CADPS: variants seen among roughly 807,000 people sequenced by gnomAD.
The protein encoded by CADPS is calcium dependent secretion activator.
A neutral mutation model predicts 167.3 loss-of-function variants in CADPS; 57 were observed. The ratio of observed to expected loss-of-function variants is 0.34; its 90% CI spans 0.28 to 0.42. The LOEUF is 0.42. Among genes scored for constraint, CADPS ranks in the 20% least tolerant of loss-of-function variants. The pLI is 1.00. For missense variants in CADPS, 1,414 were observed against 1,738.1 expected, an observed-to-expected ratio of 0.81 and a Z score of 3.32; for synonymous variants, 676 against 635.3, an observed-to-expected ratio of 1.06 and a Z score of -0.96.
chr3:62,645,421 C>G (rs2150063536), intron 6 of CADPS, among the ~76,000 whole-genome samples: 1 of 152,272 alleles, frequency 6.6e-6, no homozygotes, highest in Admixed American at 6.5e-5. Flanking sequence ...TTATATCAAA[C>G]TTTCCTGCAC....
At chr3:62,657,222 T>C (rs754717438) in intron 4 of CADPS, among the ~76,000 whole-genome samples, 1 of 152,164 alleles carries the variant, frequency 6.6e-6, no homozygotes, top group Non-Finnish European at 1.5e-5. Flanking sequence ...ATATTTGCAA[T>C]AGGGCCAGGA....
At chr3:62,725,660 T>C (rs1344138428) in intron 3 of CADPS, among the ~76,000 whole-genome samples, 1 of 151,970 alleles carries the variant, frequency 6.6e-6, no homozygotes, top group African/African-American at 2.4e-5. Context: ...GAAACACCGG[T>C]ACATTTGCTA....
rs571263974 is a variant in CADPS at position 62,700,873 on chromosome 3, A to G, written c.889-38479T>C. Among the ~76,000 whole-genome samples, 8 of 152,232 alleles carry G rather than the reference A, an allele frequency of 5.3e-5. No individual in the cohort carries two copies. The East Asian group carries it at 1.4e-3, about 26-fold the overall frequency. ...CCATAGCCTGGGTGGCTTATAAACA[A>G]CAGAAATTTATTTCTCACAGTTGTG... On this transcript the variant is annotated intron_variant, in intron 3 of 29. Coordinates refer to ENST00000383710, the MANE Select transcript of CADPS (RefSeq NM_003716.4).
At chr3:62,486,444 C>CA (rs1219097343) in intron 21 of CADPS, among the ~76,000 whole-genome samples, 7,765 of 63,164 alleles carry the variant, frequency 0.12, 507 homozygotes, top group East Asian at 0.31. Flanking sequence ...GACTCCGTCT[C>CA]AAAAAAAAAA....
rs765183785 is a variant in CADPS at position 62,492,352 on chromosome 3, G to A, written c.2822C>T (p.Pro941Leu). ...VDMDAALEVQPPDTWDSFPLF... is the reference protein window; with the variant it reads ...VDMDAALEVQLPDTWDSFPLF... ...TGGAAAACTGTCCCATGTGTCTGGA[G>A]GTTGCACCTCTAAGGCTGCATCCAT... The change falls in exon 20 of 30, where the codon CCT (proline) becomes CTT (leucine). Residue 941 changes from proline (P) to leucine (L), a missense_variant. Pro to Leu is a moderately conservative substitution (Grantham distance 98). This residue lies in a region of CADPS where 529 missense variants were observed against 629.6 expected (regional missense o/e 0.84). Coordinates refer to ENST00000383710, the MANE Select transcript of CADPS (RefSeq NM_003716.4). 10 of 1,613,936 alleles carry A rather than the reference G, an allele frequency of 6.2e-6. No individual in the cohort carries two copies. In the African/African-American group the frequency reaches 1.2e-4, roughly 19 times the overall value.
At chr3:62,560,746 G>A (rs909149880) in intron 9 of CADPS, among the ~76,000 whole-genome samples, 4 of 152,132 alleles carry the variant, frequency 2.6e-5, no homozygotes, top group Non-Finnish European at 5.9e-5. Context: ...TTCCAGTCAC[G>A]TGCTTAAACT....
chr3:62,538,254 G>A (rs2075095720), intron 11 of CADPS, among the ~76,000 whole-genome samples: 1 of 152,012 alleles, frequency 6.6e-6, no homozygotes, highest in South Asian at 2.1e-4. Flanking sequence ...CTTTGACTTA[G>A]GATGGCCAGG....
chr3:62,813,474 T>C (rs926005703), intron 1 of CADPS, among the ~76,000 whole-genome samples: 4 of 152,122 alleles, frequency 2.6e-5, no homozygotes, highest in African/African-American at 9.6e-5. Context: ...CGAGATGTAT[T>C]AAAGACTTAA....
chr3:62,554,312 C>T (rs2077762943), intron 10 of CADPS, among the ~76,000 whole-genome samples: 1 of 152,108 alleles, frequency 6.6e-6, no homozygotes, highest in Non-Finnish European at 1.5e-5. Context: ...ACGTCAAGGA[C>T]CCAAACAGGT....
intron 3 of CADPS, 52 bp from the exon 4 acceptor site, chr3:62,662,446 T>A (rs1563517628): frequency 1.3e-6 from 2 of 1,501,366 alleles, no homozygotes; most frequent in Middle Eastern, 1.7e-4. Flanking sequence ...CAAGTGCCAA[T>A]AAACTCAGGA....
intron 1 of CADPS, among the ~76,000 whole-genome samples, chr3:62,770,149 G>C (rs76750214): frequency 0.016 from 2,413 of 152,188 alleles, 27 homozygotes; most frequent in East Asian, 0.065. Flanking sequence ...TGCTCTTGCT[G>C]TTCCCTTTAC....
chr3:62,604,631 T>C (rs1224331061), intron 6 of CADPS, among the ~76,000 whole-genome samples: 1 of 152,246 alleles, frequency 6.6e-6, no homozygotes, highest in African/African-American at 2.4e-5. Context: ...AGAGATCACC[T>C]GATTTGAATG....
chr3:62,467,380 A>T, intron 24 of CADPS: 6 of 814,456 alleles, frequency 7.4e-6, no homozygotes, highest in Non-Finnish European at 1.0e-5. Flanking sequence ...TTAGGACAAA[A>T]GGACACATGA....
intron 3 of CADPS, among the ~76,000 whole-genome samples, chr3:62,724,824 T>A (rs2076445218): frequency 6.6e-6 from 1 of 152,144 alleles, no homozygotes; most frequent in Non-Finnish European, 1.5e-5. Flanking sequence ...TGATCATACC[T>A]CTCCACTGCT....
chr3:62,742,592 G>T lies in CADPS; in HGVS notation c.888+10849C>A, dbSNP rs539074903. On this transcript the variant is annotated intron_variant, in intron 3 of 29. Transcript: ENST00000383710. The stretch of plus-strand genomic sequence containing the variant: ...AGCCATATGCAGAAGATTGAAACTG[G>T]ACACCTTCCTTACACCATACACAAA... Among the ~76,000 whole-genome samples the T allele has an allele frequency of 5.3e-5, 8 of 152,236 alleles. No homozygotes were observed. In the South Asian group the frequency reaches 1.7e-3, roughly 32 times the overall value.
intron 1 of CADPS, among the ~76,000 whole-genome samples, chr3:62,807,412 C>G (rs1298174490): frequency 6.6e-6 from 1 of 151,932 alleles, no homozygotes; most frequent in Admixed American, 6.6e-5. Flanking sequence ...CAGGTGCCCA[C>G]CATTACACCC....
intron 3 of CADPS, among the ~76,000 whole-genome samples, chr3:62,709,766 TTATG>T (rs10531065): frequency 0.083 from 12,564 of 151,934 alleles, 623 homozygotes; most frequent in South Asian, 0.16. Context: ...TTTATTTTAT[TTATG>T]TATTTATTAT....
rs2059856758 is a variant in CADPS at position 62,465,592 on chromosome 3, G to A, written c.3553-142C>T. ...GTCTATTATTTGATTCCCGCCTTCG[G>A]AGAAAGGAATAGACTGCCTTTACAT... On this transcript the variant is annotated intron_variant, in intron 25 of 29. Coordinates refer to ENST00000383710, the MANE Select transcript of CADPS (RefSeq NM_003716.4). The surrounding 1 kb of genome is among the most constrained non-coding windows in gnomAD (Gnocchi z 4.1). 5 of 544,934 alleles carry A rather than the reference G, an allele frequency of 9.2e-6. No homozygotes were observed. In the Admixed American group the frequency reaches 1.7e-4, roughly 19 times the overall value. The allele number at this position is 544,934 out of a possible 1,614,324, so 33.8% of individuals were successfully genotyped here. A position where few individuals can be genotyped will look rare whatever the true frequency, so the allele number is the denominator to read the frequency against.
intron 23 of CADPS, among the ~76,000 whole-genome samples, chr3:62,477,458 C>G (rs756508944): frequency 3.4e-4 from 52 of 152,070 alleles, no homozygotes; most frequent in Non-Finnish European, 6.2e-4. Context: ...TATGGAGACA[C>G]TCCATGAGGA....
Sources: allele counts gnomAD v4.1 joint callset (sites outside exome capture counted in the v4.1 genomes callset), GRCh38; gene constraint gnomAD v4.1.1; regional missense constraint gnomAD v4.1.1; non-coding constraint Gnocchi (gnomAD v3.1); transcripts MANE v1.5; gene names NCBI Gene and HGNC (gene_info 2026-07-23, HGNC 2026-07-21).